The following PPOX variants were observed in gnomAD, a reference collection of about 807,000 sequenced individuals.
The protein encoded by PPOX is variegate porphyria.
Under a neutral mutation model 54.1 loss-of-function variants are expected in PPOX, and 23 were observed. The observed-to-expected ratio is 0.43, with a 90% CI of 0.31 to 0.60. The LOEUF (loss-of-function observed/expected upper bound fraction) is 0.60. Ranked by LOEUF, PPOX falls within the 20% of genes least tolerant of loss-of-function variation. The pLI is 0.13. For missense variants in PPOX, 512 were observed against 601.1 expected, an observed-to-expected ratio of 0.85 and a Z score of 1.55; for synonymous variants, 224 against 236.1, an observed-to-expected ratio of 0.95 and a Z score of 0.47.
downstream of PPOX, chr1:161,171,295 G>A: frequency 6.6e-7 from 1 of 1,526,342 alleles, no homozygotes; most frequent in Non-Finnish European, 9.0e-7. Context: ...CTGGGATGCA[G>A]AAAGCAGGAG....
At chr1:161,177,273 G>A (rs1236254964), downstream of PPOX, 3 of 591,676 alleles carry the variant, frequency 5.1e-6, no homozygotes, top group East Asian at 2.8e-5. Flanking sequence ...TACTAGCAAC[G>A]TGAGCCCGCC....
chr1:161,170,151 C>A, intron 9 of PPOX, 127 bp downstream of exon 9: 1 of 1,202,336 alleles, frequency 8.3e-7, no homozygotes, highest in Non-Finnish European at 1.2e-6. Context: ...ATGGTGAAAC[C>A]CCATCTCTAC....
rs2101871770 is a variant in PPOX, at chr1:161,168,662, T to C, written c.616+86T>C. On this transcript the variant is annotated intron_variant, in intron 6 of 12. Transcript: ENST00000367999. ...GACAAGGGGTGCTATTCAATGATTC[T>C]TTTTTTCTTTTTTGAGACGGAGTCT... is the stretch of plus-strand genomic sequence containing the variant. 7.8e-6 allele frequency: 12 copies of C among 1,529,400 alleles called. No homozygotes were observed. In the South Asian group the frequency reaches 1.4e-4, roughly 17 times the overall value. 94.7% of individuals were successfully genotyped at this position (1,529,400 alleles called of 1,614,324 possible).
At chr1:161,166,410 G>A (rs1658899667), upstream of PPOX, 6 of 1,110,360 alleles carry the variant, frequency 5.4e-6, no homozygotes, top group Non-Finnish European at 6.6e-6. Context: ...TTAGGCGCGT[G>A]CCGCGAGAAC....
At chr1:161,177,842 C>G (rs950285647), downstream of PPOX, 1 of 152,238 alleles carries the variant, frequency 6.6e-6, no homozygotes, top group Non-Finnish European at 1.5e-5. Context: ...TTGGCTGAGC[C>G]CTCTCCCAGT....
chr1:161,171,312 C>G, downstream of PPOX: 1 of 1,401,684 alleles, frequency 7.1e-7, no homozygotes, highest in East Asian at 2.3e-5. Context: ...GGAGCAGATG[C>G]GAGACAAAGT....
At chr1:161,176,082 G>A, downstream of PPOX, 4 of 1,611,930 alleles carry the variant, frequency 2.5e-6, no homozygotes, top group Non-Finnish European at 3.4e-6. Context: ...GATCTAGGGA[G>A]GGAGAGGGGA....
chr1:161,176,586 C>T (rs1006145238), intron 4 of PPOX: 9 of 516,658 alleles, frequency 1.7e-5, no homozygotes, highest in African/African-American at 1.5e-4. Flanking sequence ...CCAGCTGGAA[C>T]AGAAGTGGTA....
At chr1:161,171,927 G>C (rs757586249), downstream of PPOX, 1 of 1,614,176 alleles carries the variant, frequency 6.2e-7, no homozygotes, top group Non-Finnish European at 8.5e-7. Flanking sequence ...AACCAGGTGG[G>C]TAACGTGGCC....
chr1:161,170,049 G>A (rs1393857078), intron 9 of PPOX, 25 bp downstream of exon 9: 1 of 1,599,512 alleles, frequency 6.3e-7, no homozygotes, highest in East Asian at 2.3e-5. Flanking sequence ...CGGAGAGGCT[G>A]GGCATGGTGG....
intron 1 of PPOX, 44 bp downstream of exon 1, chr1:161,166,716 C>T (rs1008212191): frequency 2.0e-6 from 3 of 1,537,262 alleles, no homozygotes; most frequent in Non-Finnish European, 2.6e-6. Flanking sequence ...TTCCACCAGC[C>T]CATCCGTGCA....
At chr1:161,175,885 C>T (rs199852621), downstream of PPOX, 1 of 1,614,032 alleles carries the variant, frequency 6.2e-7, no homozygotes, top group Non-Finnish European at 8.5e-7. Flanking sequence ...AGGCAGGTGA[C>T]TGAGGTTACT....
In PPOX at chr1:161,176,847, A is replaced by T; in HGVS notation, c.373-2A>T. On this transcript the variant is annotated splice_acceptor_variant, in intron 4 of 4. Coordinates refer to the PPOX transcript ENST00000497522. LOFTEE classifies it high-confidence loss of function. ...GCTAATGGAAACATTGTTTTCCCCC[A>T]GACCAAGAACCAGTTGAAGTGGCGA... The T allele has an allele frequency of 2.6e-6, 4 of 1,535,426 alleles. No homozygotes were observed. Among genetic ancestry groups the T allele is most frequent in the Non-Finnish European group, 3.5e-6 (4 of 1,146,134 alleles).
chr1:161,176,098 G>A (rs774785990), downstream of PPOX: 5 of 1,609,974 alleles, frequency 3.1e-6, no homozygotes, highest in Admixed American at 8.3e-5. Context: ...GGGGAATTCT[G>A]GGGGTAGGCA....
At chr1:161,176,831 A>C in intron 4 of PPOX, 1 of 1,532,824 alleles carries the variant, frequency 6.5e-7, no homozygotes, top group Non-Finnish European at 8.7e-7. Context: ...AGCTAATGGA[A>C]ACATTGTTTT....
chr1:161,172,225 A>G, downstream of PPOX: 1 of 1,613,664 alleles, frequency 6.2e-7, no homozygotes, highest in Non-Finnish European at 8.5e-7. Context: ...CCTTCTTCCT[A>G]CCTGTGGGGA....
At chr1:161,173,826 C>T (rs200772775), downstream of PPOX, 496 of 1,609,968 alleles carry the variant, frequency 3.1e-4, 1 homozygote, top group African/African-American at 5.8e-3. Context: ...TAGTAGGCTT[C>T]CCTGTTTCCC....
downstream of PPOX, chr1:161,174,125 A>C (rs1244513891): frequency 2.7e-6 from 4 of 1,504,046 alleles, no homozygotes; most frequent in Non-Finnish European, 3.6e-6. Context: ...ATAAAAGTGA[A>C]GGCCGGGCGC....
chr1:161,168,307 C>A (rs941971844), intron 5 of PPOX, 125 bp from the exon 6 acceptor site: 1 of 1,553,838 alleles, frequency 6.4e-7, no homozygotes, highest in Non-Finnish European at 8.9e-7. Context: ...CATTTCCATC[C>A]GTCACAGTGG....
Sources: allele counts gnomAD v4.1 joint callset, GRCh38; gene constraint gnomAD v4.1.1; transcripts MANE v1.5; gene names NCBI Gene and HGNC (gene_info 2026-07-23, HGNC 2026-07-21).